Variants in CTNND2 observed in about 807,000 individuals in gnomAD.
CTNND2 encodes catenin delta-2.
A neutral mutation model predicts 144.4 loss-of-function variants in CTNND2; 22 were observed. That is an observed-to-expected ratio of 0.15 (90% confidence interval 0.11 to 0.22). CTNND2 has a LOEUF of 0.22. CTNND2 is among the 10% of genes least tolerant of loss of function. CTNND2 has a pLI of 1.00. For synonymous variants in CTNND2, 751 were observed against 695.6 expected (o/e 1.08, Z -1.25); for missense variants, 1,353 against 1,618.8 (o/e 0.84, Z 2.82).
chr5:11,330,833 G>T (rs186518408), intron 9 of CTNND2, among the ~76,000 whole-genome samples: 15 of 147,216 alleles, frequency 1.0e-4, no homozygotes, highest in Admixed American at 4.0e-4. Context: ...TACAGAGCAA[G>T]TCCAGCCTGT....
At chr5:11,400,566 G>T (rs1178575644) in intron 5 of CTNND2, among the ~76,000 whole-genome samples, 1 of 151,792 alleles carries the variant, frequency 6.6e-6, no homozygotes. Context: ...CATTGATGAT[G>T]CTTAAGACAG....
chr5:11,879,913 C>A (rs1167895667), intron 1 of CTNND2, among the ~76,000 whole-genome samples: 3 of 152,100 alleles, frequency 2.0e-5, no homozygotes, highest in African/African-American at 7.2e-5. Flanking sequence ...CTCGGCCTGA[C>A]GAAATAGGGA....
At chr5:11,328,976 T>A (rs1752811352) in intron 9 of CTNND2, among the ~76,000 whole-genome samples, 1 of 152,216 alleles carries the variant, frequency 6.6e-6, no homozygotes, top group South Asian at 2.1e-4. Flanking sequence ...AAGATCCAAG[T>A]CCTGGCAGCT....
intron 1 of CTNND2, among the ~76,000 whole-genome samples, chr5:11,752,542 CTT>C (rs201310121): frequency 1.4e-5 from 2 of 139,148 alleles, no homozygotes; most frequent in Non-Finnish European, 1.6e-5. Flanking sequence ...TGTGTCTGTT[CTT>C]TTTTTTTTTT....
chr5:11,716,132 A>G (rs1221734159), intron 2 of CTNND2, among the ~76,000 whole-genome samples: 1 of 152,214 alleles, frequency 6.6e-6, no homozygotes, highest in Non-Finnish European at 1.5e-5. Flanking sequence ...TCACAGAGTG[A>G]GCAATTAGGG....
At chr5:11,632,322 C>G (rs766371155) in intron 2 of CTNND2, among the ~76,000 whole-genome samples, 8 of 152,112 alleles carry the variant, frequency 5.3e-5, no homozygotes, top group African/African-American at 1.4e-4. Flanking sequence ...TAAAACCAGT[C>G]AACCTGGGGT....
At chr5:11,477,808 T>G (rs1203279339) in intron 3 of CTNND2, among the ~76,000 whole-genome samples, 1 of 152,212 alleles carries the variant, frequency 6.6e-6, no homozygotes, top group East Asian at 1.9e-4. Context: ...CATGAGGTGA[T>G]GGCATCCATG....
intron 9 of CTNND2, among the ~76,000 whole-genome samples, chr5:11,275,339 A>T (rs1189158484): frequency 6.6e-6 from 1 of 152,078 alleles, no homozygotes; most frequent in Non-Finnish European, 1.5e-5. Flanking sequence ...AGAATCAACA[A>T]CTGGTAAGCA....
intron 10 of CTNND2, among the ~76,000 whole-genome samples, chr5:11,228,246 G>C (rs1740577188): frequency 6.7e-6 from 1 of 149,716 alleles, no homozygotes; most frequent in African/African-American, 2.5e-5. Context: ...TTGGGAGGCT[G>C]AGGCAGGAGA....
Position 11,904,004 on chromosome 5 carries a change from G to T in CTNND2, c.-151C>A, listed in dbSNP as rs977924632. On this transcript the variant is annotated 5_prime_UTR_variant, in exon 1 of 22. Coordinates refer to ENST00000304623, the MANE Select transcript of CTNND2 (RefSeq NM_001332.4). The surrounding 1 kb of genome is among the most constrained non-coding windows in gnomAD (Gnocchi z 4.2). ...GCGGGACAAGGGATGCTGGCGGGCGGCAGGGGCGAGCGCCGCGGGCGAGAG... is the reference window on the plus strand; with the variant it reads ...GCGGGACAAGGGATGCTGGCGGGCGTCAGGGGCGAGCGCCGCGGGCGAGAG... The T allele has an allele frequency of 1.2e-6, 1 of 868,704 alleles. No homozygotes were observed. Among genetic ancestry groups the T allele is most frequent in the Non-Finnish European group, 1.5e-6 (1 of 663,544 alleles). The allele number at this position is 868,704 out of a possible 1,614,324, so 53.8% of individuals were successfully genotyped here.
chr5:11,364,665 C>G, intron 8 of CTNND2, 31 bp downstream of exon 8: 1 of 1,567,076 alleles, frequency 6.4e-7, no homozygotes, highest in Non-Finnish European at 8.6e-7. Flanking sequence ...CCCCTGTGGA[C>G]AGGCCACCCA....
intron 16 of CTNND2, among the ~76,000 whole-genome samples, chr5:11,052,397 C>A (rs556942331): frequency 9.9e-5 from 15 of 152,268 alleles, no homozygotes; most frequent in Admixed American, 5.2e-4. Flanking sequence ...CACTTAATTA[C>A]CCCTGTCCTC....
At chr5:11,285,994 A>T (rs1747707134) in intron 9 of CTNND2, among the ~76,000 whole-genome samples, 1 of 152,234 alleles carries the variant, frequency 6.6e-6, no homozygotes, top group Admixed American at 6.5e-5. Context: ...TAATATTACA[A>T]ATTAGAGGAC....
intron 2 of CTNND2, among the ~76,000 whole-genome samples, chr5:11,657,417 ATCTC>A (rs374351670): frequency 2.6e-5 from 4 of 152,108 alleles, no homozygotes; most frequent in Admixed American, 1.3e-4. Flanking sequence ...GTATTTAGCT[ATCTC>A]TCTCTCTGTT....
chr5:11,711,572 T>C (rs13186564), intron 2 of CTNND2, among the ~76,000 whole-genome samples: 18,081 of 152,226 alleles, frequency 0.12, 1,443 homozygotes, highest in African/African-American at 0.22. Flanking sequence ...CTACATGTTA[T>C]GAACTGTTTT....
chr5:11,111,375 C>A (rs1447800636), intron 13 of CTNND2, among the ~76,000 whole-genome samples: 1 of 152,118 alleles, frequency 6.6e-6, no homozygotes. Flanking sequence ...CAGACAGCGC[C>A]CCACCTCTGA....
intron 3 of CTNND2, 43 bp downstream of exon 3, chr5:11,564,901 G>A (rs766797467): frequency 1.5e-6 from 2 of 1,323,824 alleles, no homozygotes; most frequent in Non-Finnish European, 2.2e-6. Context: ...TTACTTGCAG[G>A]GGCAACTCAA....
chr5:11,091,699 CT>C (rs1750791176), intron 15 of CTNND2, among the ~76,000 whole-genome samples: 1 of 152,196 alleles, frequency 6.6e-6, no homozygotes, highest in African/African-American at 2.4e-5. Flanking sequence ...AATTATTCCT[CT>C]GTACTGAGGC....
intron 18 of CTNND2, among the ~76,000 whole-genome samples, chr5:11,004,721 T>A (rs967917403): frequency 4.9e-5 from 7 of 142,092 alleles, no homozygotes; most frequent in Non-Finnish European, 9.0e-5. Context: ...TAAGCTGAGA[T>A]CATGCCATTA....
Sources: allele counts gnomAD v4.1 joint callset (sites outside exome capture counted in the v4.1 genomes callset), GRCh38; gene constraint gnomAD v4.1.1; non-coding constraint Gnocchi (gnomAD v3.1); transcripts MANE v1.5; gene names NCBI Gene and HGNC (gene_info 2026-07-23, HGNC 2026-07-21).